FAM184B: variants seen among roughly 807,000 people sequenced by gnomAD.
The protein encoded by FAM184B is protein FAM184B.
In FAM184B, 111 loss-of-function variants were observed where a neutral mutation model predicts 135.9. The ratio of observed to expected loss-of-function variants is 0.82; its 90% CI spans 0.70 to 0.96. The LOEUF (loss-of-function observed/expected upper bound fraction) is 0.96. FAM184B is among the 40% of genes least tolerant of loss of function. FAM184B has a pLI of 0.00. For synonymous variants in FAM184B, 552 were observed against 524.8 expected, an observed-to-expected ratio of 1.05 and a Z score of -0.71; for missense variants, 1,375 against 1,323.9, an observed-to-expected ratio of 1.04 and a Z score of -0.60.
intron 9 of FAM184B, among the ~76,000 whole-genome samples, chr4:17,659,324 C>A (rs1715857797): frequency 1.3e-5 from 2 of 151,904 alleles, no homozygotes; most frequent in Non-Finnish European, 2.9e-5. Flanking sequence ...CCTGGTTGGT[C>A]TTGAACTCCT....
chr4:17,774,634 C>T (rs554398449), intron 1 of FAM184B, among the ~76,000 whole-genome samples: 1 of 152,344 alleles, frequency 6.6e-6, no homozygotes, highest in South Asian at 2.1e-4. Flanking sequence ...CCTGTCAGCA[C>T]ATTGGATGCT....
At chr4:17,777,763 G>A (rs1718955898) in intron 1 of FAM184B, among the ~76,000 whole-genome samples, 1 of 152,076 alleles carries the variant, frequency 6.6e-6, no homozygotes, top group South Asian at 2.1e-4. Context: ...AGATAATGGA[G>A]GTAATGGCTA....
chr4:17,755,801 C>T (rs970823255), intron 1 of FAM184B, among the ~76,000 whole-genome samples: 11 of 152,108 alleles, frequency 7.2e-5, no homozygotes, highest in African/African-American at 2.2e-4. Flanking sequence ...AGCAAACTAA[C>T]GCAGGAACAG....
At chr4:17,758,430 A>G (rs1172273347) in intron 1 of FAM184B, among the ~76,000 whole-genome samples, 1 of 152,252 alleles carries the variant, frequency 6.6e-6, no homozygotes, top group Non-Finnish European at 1.5e-5. Context: ...CCAGCCAAGT[A>G]ACTAACTGAC....
chr4:17,737,059 C>T (rs1380099856), intron 1 of FAM184B, among the ~76,000 whole-genome samples: 1 of 151,792 alleles, frequency 6.6e-6, no homozygotes, highest in Non-Finnish European at 1.5e-5. Context: ...GCAGGAGACT[C>T]ACTTAAACCC....
intron 1 of FAM184B, among the ~76,000 whole-genome samples, chr4:17,766,064 G>C (rs531873512): frequency 6.6e-6 from 1 of 152,210 alleles, no homozygotes; most frequent in Non-Finnish European, 1.5e-5. Context: ...AGGAAGTGCA[G>C]GCCCAAAGAG....
At chr4:17,731,565 T>C (rs1402790140) in intron 1 of FAM184B, among the ~76,000 whole-genome samples, 1 of 151,874 alleles carries the variant, frequency 6.6e-6, no homozygotes, top group Non-Finnish European at 1.5e-5. Flanking sequence ...CCAACAAAGA[T>C]CAAAAGAGAC....
intron 1 of FAM184B, 43 bp from the exon 2 acceptor site, chr4:17,709,687 G>T: frequency 6.9e-7 from 1 of 1,443,058 alleles, no homozygotes; most frequent in Middle Eastern, 2.6e-4. Flanking sequence ...GAGGGGGCTG[G>T]GGTGTGGGAG....
intron 10 of FAM184B, among the ~76,000 whole-genome samples, chr4:17,655,640 A>C (rs1214527939): frequency 6.6e-6 from 1 of 152,138 alleles, no homozygotes; most frequent in African/African-American, 2.4e-5. Context: ...CCACCCACTG[A>C]TCCCAGCAAC....
chr4:17,765,169 G>A (rs1371497537), intron 1 of FAM184B, among the ~76,000 whole-genome samples: 1 of 152,164 alleles, frequency 6.6e-6, no homozygotes, highest in African/African-American at 2.4e-5. Flanking sequence ...GTAATAAATG[G>A]CTTTTAAAAT....
At chr4:17,732,911 G>T (rs1202573055) in intron 1 of FAM184B, among the ~76,000 whole-genome samples, 2 of 152,150 alleles carry the variant, frequency 1.3e-5, no homozygotes, top group Non-Finnish European at 2.9e-5. Context: ...CAATATCCTT[G>T]ATGAACATTG....
At chr4:17,736,018 GTGT>G (rs1237765727) in intron 1 of FAM184B, among the ~76,000 whole-genome samples, 1 of 152,212 alleles carries the variant, frequency 6.6e-6, no homozygotes, top group Non-Finnish European at 1.5e-5. Flanking sequence ...CTTGATAACA[GTGT>G]TAATGATTAT....
At chr4:17,638,817 T>C (rs969397844) in intron 14 of FAM184B, among the ~76,000 whole-genome samples, 5 of 152,110 alleles carry the variant, frequency 3.3e-5, no homozygotes, top group African/African-American at 1.2e-4. Flanking sequence ...GGGAGACTGA[T>C]GAGCCCCTGG....
intron 1 of FAM184B, among the ~76,000 whole-genome samples, chr4:17,751,365 G>A (rs1718288096): frequency 6.7e-6 from 1 of 149,136 alleles, no homozygotes; most frequent in Admixed American, 6.7e-5. Context: ...TTCTTTAGTA[G>A]ATGCTGTCAA....
chr4:17,649,540 C>T (rs1177786481), intron 11 of FAM184B, among the ~76,000 whole-genome samples: 3 of 149,908 alleles, frequency 2.0e-5, no homozygotes, highest in African/African-American at 7.4e-5. Context: ...GCTGAGATCA[C>T]ACCACTGCAC....
chr4:17,647,785 A>G lies in FAM184B; in HGVS notation c.2198T>C (p.Leu733Pro). The stretch of plus-strand genomic sequence containing the variant: ...TTGCTGCTCCGACAGCTCCTGTCTG[A>G]GCGACTCTGGAAAAGGGAGAGCAGC... ...QAQQALLLES[L>P]RQELSEQQAA... The change falls in exon 12 of 18, where the codon CTC (leucine) becomes CCC (proline). Residue 733 changes from leucine (L) to proline (P), a missense_variant. Physicochemically the swap from Leu to Pro is moderately conservative, Grantham distance 98. Transcript: ENST00000265018. The G allele has an allele frequency of 1.9e-6, 3 of 1,549,894 alleles. No individual in the cohort carries two copies. The highest frequency in any genetic ancestry group is 2.6e-6 in the Non-Finnish European group (3 of 1,146,634).
chr4:17,634,884 G>GTT (rs3214318), intron 16 of FAM184B, 125 bp downstream of exon 16: 28,697 of 509,216 alleles, frequency 0.056, 157 homozygotes, highest in East Asian at 0.074. Flanking sequence ...AAACAAGTGG[G>GTT]TTTTTTTTTT....
intron 14 of FAM184B, among the ~76,000 whole-genome samples, chr4:17,637,432 G>A (rs1198369035): frequency 6.6e-6 from 1 of 152,222 alleles, no homozygotes; most frequent in African/African-American, 2.4e-5. Context: ...AGAGCCCAGG[G>A]CTTTGGGTGA....
chr4:17,642,273 C>CAG, intron 12 of FAM184B, 45 bp from the exon 13 acceptor site: 2 of 1,426,502 alleles, frequency 1.4e-6, no homozygotes, highest in Non-Finnish European at 9.1e-7. Flanking sequence ...GGCGCAGGGG[C>CAG]AGACAAGGCA....
Sources: allele counts gnomAD v4.1 joint callset (sites outside exome capture counted in the v4.1 genomes callset), GRCh38; gene constraint gnomAD v4.1.1; transcripts MANE v1.5; gene names NCBI Gene and HGNC (gene_info 2026-07-23, HGNC 2026-07-21).